STK38: variants seen among roughly 807,000 people sequenced by gnomAD.
STK38 encodes the protein serine/threonine-protein kinase 38.
A neutral mutation model predicts 59.0 loss-of-function variants in STK38; 26 were observed. That is an observed-to-expected ratio of 0.44 (90% CI 0.32 to 0.61). The LOEUF is 0.61. STK38 is among the 20% of genes least tolerant of loss of function. STK38 has a pLI of 0.04. For missense variants in STK38, 433 were observed against 566.0 expected (o/e 0.76, Z 2.38); for synonymous variants, 175 against 176.6 (o/e 0.99, Z 0.07).
chr6:36,530,104 G>T (rs1777630085), intron 2 of STK38, among the ~76,000 whole-genome samples: 1 of 151,962 alleles, frequency 6.6e-6, no homozygotes. Context: ...AGCCGGGCGT[G>T]GTGGCACGTG....
chr6:36,540,968 C>T (rs934163578), intron 1 of STK38, among the ~76,000 whole-genome samples: 4 of 151,924 alleles, frequency 2.6e-5, no homozygotes, highest in Non-Finnish European at 4.4e-5. Flanking sequence ...GCGCGATCTC[C>T]GCTCATTGCA....
intron 2 of STK38, among the ~76,000 whole-genome samples, chr6:36,538,059 A>G (rs1464182435): frequency 6.6e-6 from 1 of 151,860 alleles, no homozygotes; most frequent in Non-Finnish European, 1.5e-5. Context: ...CCAGCACTTC[A>G]AGAGGCTGTG....
intron 7 of STK38, among the ~76,000 whole-genome samples, chr6:36,511,891 T>A (rs1029752996): frequency 6.6e-6 from 1 of 151,664 alleles, no homozygotes; most frequent in African/African-American, 2.4e-5. Context: ...AAACCCCATC[T>A]CTACTAAAAA....
Position 36,495,890 on chromosome 6 carries a change from G to A in STK38, c.1292C>T (p.Thr431Ile). The change falls in exon 14 of 14, where the codon ACT becomes ATT. Residue 431 changes from threonine to isoleucine, a missense_variant. Transcript: ENST00000229812. ...PTVATSNHPE[T>I]DYKNKDWVFI... ...GACCCAGTCTTTGTTCTTGTAGTCA[G>A]TCTCAGGATGATTACTTGTGGCCAC... 1 of 1,614,046 alleles carries A rather than the reference G, an allele frequency of 6.2e-7. No homozygotes were observed. The highest frequency in any genetic ancestry group is 8.5e-7 in the Non-Finnish European group (1 of 1,179,974).
At chr6:36,543,134 G>A (rs535599927) in intron 1 of STK38, among the ~76,000 whole-genome samples, 2 of 150,398 alleles carry the variant, frequency 1.3e-5, no homozygotes, top group East Asian at 2.0e-4. Flanking sequence ...GCGCGATCTC[G>A]GCTCACTCCA....
At chr6:36,499,294 C>T (rs1415644290) in intron 10 of STK38, among the ~76,000 whole-genome samples, 1 of 152,156 alleles carries the variant, frequency 6.6e-6, no homozygotes, top group Admixed American at 6.5e-5. Context: ...CCTATCACCC[C>T]ATCTTCCCTC....
intron 1 of STK38, among the ~76,000 whole-genome samples, chr6:36,546,247 T>G (rs1279322316): frequency 6.6e-6 from 1 of 152,234 alleles, no homozygotes; most frequent in African/African-American, 2.4e-5. Context: ...ATATACTCAT[T>G]TTTGATGTCC....
intron 9 of STK38, among the ~76,000 whole-genome samples, chr6:36,504,898 CAAAAA>C (rs562032331): frequency 3.1e-5 from 2 of 64,070 alleles, no homozygotes; most frequent in Admixed American, 1.8e-4. Context: ...TCCTGGCCTC[CAAAAA>C]AAAAAAAAAA....
rs186097103 is a variant in STK38, at chr6:36,523,426, C to T, written c.306+915G>A. ...TACAGGCACGTGCCACCACACCCGG[C>T]TAATTTTTCTATTTTTAGTAGAGAC... On this transcript the variant is annotated intron_variant, in intron 4 of 13. Coordinates refer to ENST00000229812, the MANE Select transcript of STK38 (RefSeq NM_007271.4). Among the ~76,000 whole-genome samples, 18 of 152,044 alleles carry T rather than the reference C, an allele frequency of 1.2e-4. No individual in the cohort carries two copies. In the East Asian group the frequency reaches 3.3e-3, roughly 28 times the overall value.
chr6:36,499,379 G>A (rs997572263), intron 10 of STK38, among the ~76,000 whole-genome samples: 6 of 151,934 alleles, frequency 3.9e-5, no homozygotes, highest in Non-Finnish European at 8.8e-5. Context: ...AGACTCACCC[G>A]GAACCACCAA....
At chr6:36,545,289 GA>G (rs58104312) in intron 1 of STK38, among the ~76,000 whole-genome samples, 14,081 of 60,492 alleles carry the variant, frequency 0.23, 494 homozygotes, top group African/African-American at 0.24. Context: ...ACTCCGTCTG[GA>G]AAAAAAAAAA....
At chr6:36,532,211 A>G (rs549535403) in intron 2 of STK38, among the ~76,000 whole-genome samples, 76 of 151,564 alleles carry the variant, frequency 5.0e-4, no homozygotes, top group African/African-American at 1.8e-3. Flanking sequence ...CTGGGAGGCT[A>G]AGGATGGCTT....
intron 2 of STK38, among the ~76,000 whole-genome samples, chr6:36,528,652 A>C (rs1256103476): frequency 6.6e-6 from 1 of 152,224 alleles, no homozygotes; most frequent in East Asian, 1.9e-4. Flanking sequence ...AATTAATTCC[A>C]TTGCAAGTGG....
chr6:36,511,021 C>A (rs933236), intron 7 of STK38, among the ~76,000 whole-genome samples: 36,097 of 151,974 alleles, frequency 0.24, 4,521 homozygotes, highest in East Asian at 0.39. Context: ...GAGTTGAAAT[C>A]AAAAATGTAA....
intron 5 of STK38, among the ~76,000 whole-genome samples, chr6:36,520,566 A>G (rs1241864771): frequency 6.6e-6 from 1 of 152,212 alleles, no homozygotes; most frequent in Non-Finnish European, 1.5e-5. Context: ...CAGAAGCTTT[A>G]TATTTTCCTT....
chr6:36,531,503 A>G (rs551682797), intron 2 of STK38, among the ~76,000 whole-genome samples: 1 of 152,370 alleles, frequency 6.6e-6, no homozygotes, highest in East Asian at 1.9e-4. Flanking sequence ...CCTACTAGGT[A>G]CCTAGGATCA....
intron 1 of STK38, among the ~76,000 whole-genome samples, chr6:36,540,639 T>C (rs1777912330): frequency 6.6e-6 from 1 of 152,166 alleles, no homozygotes; most frequent in South Asian, 2.1e-4. Flanking sequence ...TTTTTTTTTC[T>C]TTTTGAGATG....
intron 10 of STK38, 103 bp from the exon 11 acceptor site, chr6:36,498,589 C>CA: frequency 1.1e-6 from 1 of 935,788 alleles, no homozygotes. Context: ...TTTCTTTTTT[C>CA]TTTTTTTTTT....
In STK38 at chr6:36,542,957, TAAATA is replaced by T. The variant is rs143778705; in HGVS notation, c.-5-2755_-5-2751del. On this transcript the variant is annotated intron_variant, in intron 1 of 13. Transcript: ENST00000229812. Reference sequence around the variant, plus strand: ...AAGATTCCGTCTCAAAAAAAATAAATAAATAAAATAAAATCTTGTTTTCCTCCAGA... The same window carrying T: ...AAGATTCCGTCTCAAAAAAAATAAATAAATAAAATCTTGTTTTCCTCCAGA... Among the ~76,000 whole-genome samples, 584 of 151,980 alleles carry T rather than the reference TAAATA, an allele frequency of 3.8e-3. 13 individuals are homozygous for T. In the East Asian group the frequency reaches 0.079, roughly 20 times the overall value.
Sources: allele counts gnomAD v4.1 joint callset (sites outside exome capture counted in the v4.1 genomes callset), GRCh38; gene constraint gnomAD v4.1.1; transcripts MANE v1.5; gene names NCBI Gene and HGNC (gene_info 2026-07-23, HGNC 2026-07-21).